Variants in PODXL observed in about 807,000 individuals in gnomAD.
The protein encoded by PODXL is podocalyxin like, also known as podocalyxin.
Under a neutral mutation model 48.9 loss-of-function variants are expected in PODXL, and 20 were observed. That is an observed-to-expected ratio of 0.41 (90% CI 0.29 to 0.59). The LOEUF (loss-of-function observed/expected upper bound fraction) is 0.59. Among genes scored for constraint, PODXL ranks in the 20% least tolerant of loss-of-function variants. The probability of loss-of-function intolerance (pLI) is 0.31; values close to 1 mark genes in which losing one functional copy is unlikely to be tolerated. For synonymous variants in PODXL, 295 were observed against 287.4 expected (o/e 1.03, Z -0.27); for missense variants, 606 against 675.1 (o/e 0.90, Z 1.13).
At position 131,556,272 on chromosome 7, in the gene PODXL, G is replaced by A. The variant is rs1412233915; in HGVS notation, c.88C>T (p.Pro30Ser). ...GCCGGCCACTCACCATTCTGGGAGG[G>A]CGACGGCGACGGCGACGGCGACGAC... ...LPSSPSPSPS[P>S]SQNATQTTTD... is the part of the protein sequence containing the mutation. Residue 30 changes from proline to serine, a missense_variant, in exon 1 of 9, where the codon CCC (proline) becomes TCC (serine). Pro to Ser is a moderately conservative substitution (Grantham distance 74, BLOSUM62 -1). Transcript: ENST00000378555. The A allele has an allele frequency of 2.6e-6, 2 of 777,870 alleles. No individual in the cohort carries two copies. Among genetic ancestry groups the A allele is most frequent in the East Asian group, 1.2e-4 (2 of 16,410 alleles). The allele number at this position is 777,870 out of a possible 1,614,324, so 48.2% of individuals were successfully genotyped here.
rs1049463677 is a variant in PODXL at position 131,555,507 on chromosome 7, C to A, written c.100+753G>T. On this transcript the variant is annotated intron_variant, in intron 1 of 8. Transcript: ENST00000378555. Reference sequence around the variant, plus strand: ...TTCTAAGGTGTGTCTAAAATGCAGCCCAATCCTATTCTACGAGAGAGAAGT... The same window carrying A: ...TTCTAAGGTGTGTCTAAAATGCAGCACAATCCTATTCTACGAGAGAGAAGT... Among the ~76,000 whole-genome samples, 3 of 152,142 alleles carry A rather than the reference C, an allele frequency of 2.0e-5. No homozygotes were observed. The East Asian group carries it at 5.8e-4, about 29-fold the overall frequency.
chr7:131,535,343 G>A (rs983676746), intron 1 of PODXL, among the ~76,000 whole-genome samples: 6 of 152,122 alleles, frequency 3.9e-5, no homozygotes, highest in East Asian at 1.9e-4. Flanking sequence ...TAAGCTGTAC[G>A]GTAAGTCAAT....
chr7:131,505,855 A>G lies in PODXL; in HGVS notation c.1479+13T>C, dbSNP rs1211179182. On this transcript the variant is annotated intron_variant, in intron 8 of 8. Transcript: ENST00000378555. ...GGGCTGCTTCCCCTGTGTGGCTGCAAACAGCTGCTTACCTGGTCCTTCCTC... is the reference window on the plus strand; with the variant it reads ...GGGCTGCTTCCCCTGTGTGGCTGCAGACAGCTGCTTACCTGGTCCTTCCTC... 1 of 1,551,212 alleles carries G rather than the reference A, an allele frequency of 6.4e-7. No homozygotes were observed. The highest frequency in any genetic ancestry group is 1.2e-5 in the South Asian group (1 of 84,058).
At position 131,556,365 on chromosome 7, in the gene PODXL, C is replaced by T. The variant is rs774550558; in HGVS notation, c.-6G>A. ...AGCGCCAGCGCGCAGCGCATCGTGT[C>T]GTCGCCTCTGGGCCGGGAGCAGGTG... On this transcript the variant is annotated 5_prime_UTR_variant, in exon 1 of 9. Transcript: ENST00000378555. 3.5e-6 allele frequency: 5 copies of T among 1,410,664 alleles called. No homozygotes were observed. Among genetic ancestry groups the T allele is most frequent in the South Asian group, 3.3e-5 (2 of 60,522 alleles). The allele number at this position is 1,410,664 out of a possible 1,614,324, so 87.4% of individuals were successfully genotyped here. A position where few individuals can be genotyped will look rare whatever the true frequency, so the allele number is the denominator to read the frequency against.
intron 1 of PODXL, among the ~76,000 whole-genome samples, chr7:131,538,532 G>A (rs193267149): frequency 8.5e-4 from 130 of 152,234 alleles, no homozygotes; most frequent in Non-Finnish European, 1.4e-3. Flanking sequence ...AGGACCCAGC[G>A]CCTCAGCAGG....
chr7:131,509,672 C>T (rs1315068441), intron 3 of PODXL, 87 bp from the exon 4 acceptor site: 3 of 955,176 alleles, frequency 3.1e-6, no homozygotes, highest in Non-Finnish European at 4.6e-6. Context: ...AATAGTTTTC[C>T]CAGGTTCTTT....
At chr7:131,512,769 G>A (rs1797935837) in intron 1 of PODXL, among the ~76,000 whole-genome samples, 2 of 152,118 alleles carry the variant, frequency 1.3e-5, no homozygotes, top group Non-Finnish European at 2.9e-5. Context: ...CTTGAGGTCA[G>A]GAGTTACAGA....
chr7:131,503,359 C>T lies in PODXL; in HGVS notation c.*952G>A, dbSNP rs2116770862. 1 of 152,442 alleles carries T rather than the reference C, an allele frequency of 6.6e-6. No individual in the cohort carries two copies. The highest frequency in any genetic ancestry group is 3.4e-3 in the Middle Eastern group (1 of 294). 9.4% of individuals were successfully genotyped at this position (152,442 alleles called of 1,614,324 possible). ...AAAAGGAACACGCTGCTCTCACTAG[C>T]TACAGCAGATTTTAGTCCCTGGTGG... On this transcript the variant is annotated 3_prime_UTR_variant, in exon 9 of 9. Coordinates refer to ENST00000378555, the MANE Select transcript of PODXL (RefSeq NM_001018111.3).
intron 1 of PODXL, among the ~76,000 whole-genome samples, chr7:131,539,533 G>A (rs962836325): frequency 2.0e-5 from 3 of 152,146 alleles, no homozygotes; most frequent in Non-Finnish European, 4.4e-5. Context: ...GTGTCGCCAC[G>A]TTGGCCAGGC....
chr7:131,546,210 T>C (rs538405475), intron 1 of PODXL, among the ~76,000 whole-genome samples: 32 of 151,914 alleles, frequency 2.1e-4, no homozygotes, highest in South Asian at 4.2e-4. Context: ...AGAGAGGGGG[T>C]AGGCTCAGGG....
rs1249641128 is a variant in PODXL, at chr7:131,501,750, C to G, written c.*2561G>C. The G allele has an allele frequency of 3.3e-5, 5 of 152,202 alleles. No individual in the cohort carries two copies. Among genetic ancestry groups the G allele is most frequent in the Non-Finnish European group, 7.3e-5 (5 of 68,046 alleles). The allele number at this position is 152,202 out of a possible 1,614,324, so 9.4% of individuals were successfully genotyped here. A position where few individuals can be genotyped will look rare whatever the true frequency, so the allele number is the denominator to read the frequency against. Reference sequence around the variant, plus strand: ...CTTACCTCTTCCCAGACCCAATGCTCTCTGAATTATCAGAGAGCATTTAGA... The same window carrying G: ...CTTACCTCTTCCCAGACCCAATGCTGTCTGAATTATCAGAGAGCATTTAGA... On this transcript the variant is annotated 3_prime_UTR_variant, in exon 9 of 9. Transcript: ENST00000378555.
chr7:131,552,239 T>G (rs1212787185), intron 1 of PODXL, among the ~76,000 whole-genome samples: 1 of 152,198 alleles, frequency 6.6e-6, no homozygotes, highest in East Asian at 1.9e-4. Context: ...GTGATAAGTA[T>G]GTTGTTGGCC....
At chr7:131,550,336 G>A (rs1434054743) in intron 1 of PODXL, among the ~76,000 whole-genome samples, 1 of 151,942 alleles carries the variant, frequency 6.6e-6, no homozygotes, top group Non-Finnish European at 1.5e-5. Context: ...CACAGTATAG[G>A]TTTGTCACCA....
At chr7:131,529,087 G>A (rs977420614) in intron 1 of PODXL, among the ~76,000 whole-genome samples, 3 of 100,214 alleles carry the variant, frequency 3.0e-5, no homozygotes, top group African/African-American at 7.6e-5. Context: ...GTAGAGATGA[G>A]AAAATGTTGA....
intron 1 of PODXL, among the ~76,000 whole-genome samples, chr7:131,534,899 C>A (rs912505254): frequency 6.6e-6 from 1 of 151,774 alleles, no homozygotes; most frequent in Admixed American, 6.6e-5. Flanking sequence ...AAAATACACA[C>A]AAAAAAATTA....
Position 131,526,739 on chromosome 7 carries a change from C to CTTTTTTTTTT in PODXL, c.101-15316_101-15307dup, listed in dbSNP as rs57935236. On this transcript the variant is annotated intron_variant, in intron 1 of 8. Transcript: ENST00000378555. Reference sequence around the variant, plus strand: ...TTGTTCAATCCACAACTTCCTTACTCTTTTTTTTTTTTTTTTTTTTGAGAC... The same window carrying CTTTTTTTTTT: ...TTGTTCAATCCACAACTTCCTTACTCTTTTTTTTTTTTTTTTTTTTTTTTTTTTTTGAGAC... Among the ~76,000 whole-genome samples, 529 of 90,506 alleles carry CTTTTTTTTTT rather than the reference C, an allele frequency of 5.8e-3. 63 individuals carry two copies. Among genetic ancestry groups the CTTTTTTTTTT allele is most frequent in the African/African-American group, 0.019 (439 of 22,580 alleles). The allele number at this position is 90,506 out of a possible 152,430, so 59.4% of individuals were successfully genotyped here. A position where few individuals can be genotyped will look rare whatever the true frequency, so the allele number is the denominator to read the frequency against.
chr7:131,556,369 G>T lies in PODXL; in HGVS notation c.-10C>A. The T allele has an allele frequency of 1.4e-6, 2 of 1,387,032 alleles. No homozygotes were observed. 85.9% of individuals were successfully genotyped at this position (1,387,032 alleles called of 1,614,324 possible). On this transcript the variant is annotated 5_prime_UTR_variant, in exon 1 of 9. Transcript: ENST00000378555. ...CCAGCGCGCAGCGCATCGTGTCGTC[G>T]CCTCTGGGCCGGGAGCAGGTGGCTG...
intron 1 of PODXL, among the ~76,000 whole-genome samples, chr7:131,535,763 T>C (rs1354880087): frequency 1.3e-5 from 2 of 152,074 alleles, no homozygotes; most frequent in African/African-American, 2.4e-5. Flanking sequence ...TAGGCCTATT[T>C]TTGTTTCTTT....
intron 1 of PODXL, among the ~76,000 whole-genome samples, chr7:131,526,844 T>C (rs941768892): frequency 1.7e-4 from 24 of 143,242 alleles, no homozygotes; most frequent in African/African-American, 5.7e-4. Context: ...CAAGCAATTC[T>C]CCTGCCTCAG....
Sources: gnomAD v4.1 joint callset for allele counts (sites outside exome capture counted in the v4.1 genomes callset) on GRCh38, gnomAD v4.1.1 for gene constraint, MANE v1.5 for transcripts, NCBI Gene and HGNC (gene_info 2026-07-23, HGNC 2026-07-21) for gene names.